The following EIF3D variants were observed in gnomAD, a reference collection of about 807,000 sequenced individuals.
EIF3D encodes eIF3 p66.
Under a neutral mutation model 75.4 loss-of-function variants are expected in EIF3D, and 10 were observed. That is an observed-to-expected ratio of 0.13 (90% CI 0.08 to 0.22). The LOEUF is 0.22. Ranked by LOEUF, EIF3D falls within the 10% of genes least tolerant of loss-of-function variation. The pLI is 1.00. For missense variants in EIF3D, 394 were observed against 708.0 expected, an observed-to-expected ratio of 0.56 and a Z score of 5.03; for synonymous variants, 246 against 248.3, an observed-to-expected ratio of 0.99 and a Z score of 0.09.
chr22:36,512,638 C>G, intron 12 of EIF3D, 36 bp from the exon 13 acceptor site: 1 of 1,594,216 alleles, frequency 6.3e-7, no homozygotes, highest in Middle Eastern at 1.7e-4. Flanking sequence ...CAGAAGCAAG[C>G]TCCAAATGCC....
chr22:36,520,710 G>T (rs1337258299), intron 6 of EIF3D, 22 bp from the exon 7 acceptor site: 1 of 1,541,954 alleles, frequency 6.5e-7, no homozygotes, highest in Non-Finnish European at 8.9e-7. Flanking sequence ...AACCATTAGA[G>T]GAAAAAAAAG....
At chr22:36,524,017 G>A (rs55889583) in intron 4 of EIF3D, 37 bp from the exon 5 acceptor site, 45,626 of 1,609,194 alleles carry the variant, frequency 0.028, 745 homozygotes, top group Non-Finnish European at 0.033. Flanking sequence ...TTAAAATCTT[G>A]GAGATTTGGC....
chr22:36,520,733 C>G (rs1243048753), intron 6 of EIF3D, 45 bp from the exon 7 acceptor site: 1 of 1,384,996 alleles, frequency 7.2e-7, no homozygotes, highest in Non-Finnish European at 1.0e-6. Flanking sequence ...ATAGTCCATA[C>G]AAAACATAAA....
chr22:36,516,982 C>A, intron 10 of EIF3D, 192 bp from the exon 11 acceptor site: 1 of 626,928 alleles, frequency 1.6e-6, no homozygotes, highest in Non-Finnish European at 2.8e-6. Flanking sequence ...TGAATTAGAA[C>A]AATGACTTAG....
chr22:36,516,104 C>T (rs938512456), intron 12 of EIF3D: 1 of 176,540 alleles, frequency 5.7e-6, no homozygotes, highest in African/African-American at 2.4e-5. Flanking sequence ...AGCGGCCAGA[C>T]TTACAGGAAA....
At chr22:36,526,870 T>G (rs1166175159) in intron 1 of EIF3D, 5 of 152,254 alleles carry the variant, frequency 3.3e-5, no homozygotes, top group Non-Finnish European at 7.3e-5. Flanking sequence ...ATTACAGGCG[T>G]GAGCCACCAC....
chr22:36,517,008 C>G (rs1231957566), intron 10 of EIF3D: 18 of 613,904 alleles, frequency 2.9e-5, no homozygotes, highest in Non-Finnish European at 4.9e-5. Context: ...ATGCTCATCT[C>G]TACTTCATTT....
chr22:36,523,314 C>T (rs763724874), intron 5 of EIF3D, 33 bp from the exon 6 acceptor site: 3 of 1,562,360 alleles, frequency 1.9e-6, no homozygotes, highest in East Asian at 2.3e-5. Flanking sequence ...TCAGTGCAGA[C>T]CTTTAAACCA....
In EIF3D at chr22:36,518,317, C is replaced by T. The variant is rs962018599; in HGVS notation, c.859+446G>A. ...ACCAGCCTCGCCAACATGGTGAAAC[C>T]GTCTCTACTAAAAATATAGAAAGTA... is the stretch of plus-strand genomic sequence containing the variant. On this transcript the variant is annotated intron_variant, in intron 9 of 14. Coordinates refer to ENST00000216190, the MANE Select transcript of EIF3D (RefSeq NM_003753.4). Among the ~76,000 whole-genome samples the T allele has an allele frequency of 4.0e-5, 6 of 151,856 alleles. No individual in the cohort carries two copies. The South Asian group carries it at 6.2e-4, about 16-fold the overall frequency.
chr22:36,522,616 C>G (rs955886247), intron 6 of EIF3D, among the ~76,000 whole-genome samples: 1 of 152,098 alleles, frequency 6.6e-6, no homozygotes, highest in Non-Finnish European at 1.5e-5. Flanking sequence ...CAAAAAATCC[C>G]GAGACAGAAA....
At chr22:36,525,940 G>A (rs1013334043) in intron 2 of EIF3D, 59 bp downstream of exon 2, 89 of 1,551,972 alleles carry the variant, frequency 5.7e-5, no homozygotes, top group Non-Finnish European at 7.6e-5. Flanking sequence ...ATCTAAACAG[G>A]GACTCGAGAG....
intron 12 of EIF3D, among the ~76,000 whole-genome samples, chr22:36,514,606 G>A (rs939508130): frequency 1.3e-5 from 2 of 152,118 alleles, no homozygotes; most frequent in African/African-American, 4.8e-5. Context: ...AGATGGAGGG[G>A]GCCATGTGAC....
chr22:36,523,782 T>A (rs1261438378), intron 5 of EIF3D, 113 bp downstream of exon 5: 21 of 1,004,030 alleles, frequency 2.1e-5, no homozygotes, highest in African/African-American at 9.5e-5. Flanking sequence ...TAGAAAGTAT[T>A]TTCCTTTTTT....
At chr22:36,517,817 G>A (rs904409791) in intron 9 of EIF3D, among the ~76,000 whole-genome samples, 4 of 151,834 alleles carry the variant, frequency 2.6e-5, no homozygotes, top group South Asian at 4.2e-4. Context: ...GTGTGTCCAC[G>A]GCTCACTGCA....
At chr22:36,517,902 C>G (rs1934452436) in intron 9 of EIF3D, among the ~76,000 whole-genome samples, 1 of 152,002 alleles carries the variant, frequency 6.6e-6, no homozygotes, top group African/African-American at 2.4e-5. Context: ...TGTCCACCAC[C>G]ACACCTGGCT....
Position 36,520,540 on chromosome 22 carries a change from A to G in EIF3D, c.578+36T>C, listed in dbSNP as rs1569000245. 12 of 1,443,184 alleles carry G rather than the reference A, an allele frequency of 8.3e-6. No homozygotes were observed. The South Asian group carries it at 1.3e-4, about 15-fold the overall frequency. The allele number at this position is 1,443,184 out of a possible 1,614,324, so 89.4% of individuals were successfully genotyped here. A position where few individuals can be genotyped will look rare whatever the true frequency, so the allele number is the denominator to read the frequency against. ...CATCACCAGCTGGTCCACACACATA[A>G]GAGCAGTGTAGAAAGTAGTAAAAGA... On this transcript the variant is annotated intron_variant, in intron 7 of 14. Coordinates refer to ENST00000216190, the MANE Select transcript of EIF3D (RefSeq NM_003753.4).
intron 7 of EIF3D, among the ~76,000 whole-genome samples, chr22:36,519,806 T>C (rs552370761): frequency 6.6e-5 from 10 of 152,282 alleles, no homozygotes; most frequent in Admixed American, 4.6e-4. Flanking sequence ...TGACTAGTTA[T>C]AGAAGCACCT....
intron 12 of EIF3D, 119 bp downstream of exon 12, chr22:36,516,359 A>G: frequency 7.9e-7 from 1 of 1,263,018 alleles, no homozygotes; most frequent in Non-Finnish European, 1.1e-6. Flanking sequence ...ACATCCAGGT[A>G]GCTCTATAAG....
At chr22:36,528,820 T>A (rs1934651269) in intron 1 of EIF3D, 1 of 155,112 alleles carries the variant, frequency 6.4e-6, no homozygotes, top group African/African-American at 2.4e-5. Flanking sequence ...GTGAGTTAAG[T>A]GACAATCAAA....
Sources: gnomAD v4.1 joint callset for allele counts (sites outside exome capture counted in the v4.1 genomes callset) on GRCh38, gnomAD v4.1.1 for gene constraint, MANE v1.5 for transcripts, NCBI Gene and HGNC (gene_info 2026-07-23, HGNC 2026-07-21) for gene names.